PTPRN2: variants seen among roughly 807,000 people sequenced by gnomAD.
PTPRN2 encodes the protein protein tyrosine phosphatase receptor type N2.
PTPRN2 carries 74 observed loss-of-function variants against 118.8 expected under a neutral mutation model. The observed-to-expected ratio is 0.62, with a 90% CI of 0.52 to 0.76. The LOEUF (loss-of-function observed/expected upper bound fraction) is 0.76, where lower values mean the gene tolerates loss of function less well. Ranked by LOEUF, PTPRN2 falls within the 30% of genes least tolerant of loss-of-function variation. The pLI, the probability that PTPRN2 is intolerant of heterozygous loss-of-function variation, is 0.00. For synonymous variants in PTPRN2, 641 were observed against 608.0 expected (o/e 1.05, Z -0.80); for missense variants, 1,481 against 1,394.4 (o/e 1.06, Z -0.99).
At chr7:158,326,620 GCA>G (rs1396017058) in intron 2 of PTPRN2, among the ~76,000 whole-genome samples, 3 of 150,524 alleles carry the variant, frequency 2.0e-5, no homozygotes, top group African/African-American at 4.9e-5. Context: ...TCACACACAT[GCA>G]CATTCTCACA....
intron 12 of PTPRN2, among the ~76,000 whole-genome samples, chr7:157,898,350 G>T (rs751852542): frequency 9.2e-5 from 14 of 152,288 alleles, no homozygotes; most frequent in Non-Finnish European, 1.8e-4. Context: ...TCACACACTT[G>T]GCAACTACAA....
chr7:158,079,839 G>C (rs146042787), intron 11 of PTPRN2, among the ~76,000 whole-genome samples: 1 of 152,132 alleles, frequency 6.6e-6, no homozygotes, highest in Non-Finnish European at 1.5e-5. Context: ...TGCTGGGACC[G>C]CACTGGACCG....
At chr7:158,474,100 C>T (rs115450107) in intron 2 of PTPRN2, among the ~76,000 whole-genome samples, 409 of 152,286 alleles carry the variant, frequency 2.7e-3, no homozygotes, top group African/African-American at 9.2e-3. Context: ...TGGCGCTGGG[C>T]GGGTGCAGCA....
chr7:158,187,565 A>T (rs1825278729), intron 5 of PTPRN2, among the ~76,000 whole-genome samples: 1 of 152,330 alleles, frequency 6.6e-6, no homozygotes, highest in Non-Finnish European at 1.5e-5. Context: ...CATTAGCAAG[A>T]TGACTAAGAG....
At chr7:157,885,514 C>T (rs1584950382) in intron 12 of PTPRN2, among the ~76,000 whole-genome samples, 1 of 152,206 alleles carries the variant, frequency 6.6e-6, no homozygotes, top group Admixed American at 6.5e-5. Flanking sequence ...GGAAACAAGC[C>T]AAGTTCCTCC....
intron 1 of PTPRN2, among the ~76,000 whole-genome samples, chr7:158,549,303 T>A (rs1195989233): frequency 6.6e-6 from 1 of 152,144 alleles, no homozygotes; most frequent in African/African-American, 2.4e-5. Flanking sequence ...GGGGACAGGG[T>A]CTCCACGGGG....
intron 3 of PTPRN2, among the ~76,000 whole-genome samples, chr7:158,307,710 GT>G (rs1801400187): frequency 6.6e-6 from 1 of 152,148 alleles, no homozygotes; most frequent in African/African-American, 2.4e-5. Flanking sequence ...TGTCACACAT[GT>G]TATGGACTAG....
At chr7:157,667,000 G>A (rs1796170135) in intron 13 of PTPRN2, among the ~76,000 whole-genome samples, 1 of 133,774 alleles carries the variant, frequency 7.5e-6, no homozygotes, top group African/African-American at 2.7e-5. Flanking sequence ...GATCTCTGGT[G>A]TGTGCAATGA....
intron 1 of PTPRN2, among the ~76,000 whole-genome samples, chr7:158,508,049 G>A (rs1822895355): frequency 7.5e-6 from 1 of 134,134 alleles, no homozygotes; most frequent in Admixed American, 7.3e-5. Flanking sequence ...CAGCGCTACA[G>A]TGTTACGAAG....
At chr7:158,371,210 T>G (rs1419562903) in intron 2 of PTPRN2, among the ~76,000 whole-genome samples, 1 of 152,080 alleles carries the variant, frequency 6.6e-6, no homozygotes, top group Non-Finnish European at 1.5e-5. Flanking sequence ...CTCCAATGGC[T>G]TAGATGGATT....
At chr7:158,171,266 C>A (rs1449947069) in intron 5 of PTPRN2, among the ~76,000 whole-genome samples, 1 of 88,476 alleles carries the variant, frequency 1.1e-5, no homozygotes. Flanking sequence ...TATATATACA[C>A]ACATATATAC....
intron 10 of PTPRN2, among the ~76,000 whole-genome samples, chr7:158,103,654 G>T (rs570062901): frequency 5.9e-5 from 9 of 152,280 alleles, no homozygotes; most frequent in African/African-American, 2.2e-4. Flanking sequence ...GTTTCAAACA[G>T]CTCAGGGGCA....
chr7:157,576,409 T>C (rs985005985), intron 19 of PTPRN2, among the ~76,000 whole-genome samples: 6 of 152,212 alleles, frequency 3.9e-5, no homozygotes, highest in African/African-American at 9.6e-5. Context: ...CACATTTTAA[T>C]ACCTCTGAAG....
intron 11 of PTPRN2, among the ~76,000 whole-genome samples, chr7:158,033,852 A>T (rs1029644251): frequency 7.0e-6 from 1 of 142,278 alleles, no homozygotes; most frequent in Non-Finnish European, 1.5e-5. Flanking sequence ...CCGGGTGAGC[A>T]TCCCTAGTCA....
chr7:157,719,403 C>A (rs1427775051), intron 12 of PTPRN2, among the ~76,000 whole-genome samples: 1 of 152,266 alleles, frequency 6.6e-6, no homozygotes, highest in Admixed American at 6.5e-5. Flanking sequence ...AGGCCAAGGC[C>A]ACAGCACTGC....
At position 157,603,125 on chromosome 7, in the gene PTPRN2, C is replaced by T. The variant is rs1394049295; in HGVS notation, c.2418+877G>A. ...TCCGCCAGGTCTCCAAAGCCCCGGC[C>T]CTGGACAGTGTCCCATCCCGCCCCC... is the stretch of plus-strand genomic sequence containing the variant. On this transcript the variant is annotated intron_variant, in intron 16 of 22. Transcript: ENST00000389418. The surrounding 1 kb of genome is among the most constrained non-coding windows in gnomAD (Gnocchi z 5.4). Among the ~76,000 whole-genome samples the T allele has an allele frequency of 6.6e-6, 1 of 152,146 alleles. No individual in the cohort carries two copies. The highest frequency in any genetic ancestry group is 2.4e-5 in the African/African-American group (1 of 41,434).
chr7:157,658,629 G>A (rs1275558363), intron 13 of PTPRN2, among the ~76,000 whole-genome samples: 1 of 152,206 alleles, frequency 6.6e-6, no homozygotes, highest in East Asian at 1.9e-4. Flanking sequence ...CTCACCTTCA[G>A]GGTGCAGCCT....
chr7:157,995,708 G>A (rs573725226), intron 11 of PTPRN2, among the ~76,000 whole-genome samples: 12 of 152,350 alleles, frequency 7.9e-5, no homozygotes, highest in Admixed American at 2.6e-4. Flanking sequence ...ATGAGCAGGC[G>A]GCGTAGCACC....
intron 11 of PTPRN2, among the ~76,000 whole-genome samples, chr7:158,017,075 A>C (rs559039753): frequency 4.1e-4 from 63 of 152,254 alleles, no homozygotes; most frequent in Non-Finnish European, 7.5e-4. Context: ...ATTTTCATTT[A>C]AATCAGATTA....
Sources: allele counts gnomAD v4.1 joint callset (sites outside exome capture counted in the v4.1 genomes callset), GRCh38; gene constraint gnomAD v4.1.1; non-coding constraint Gnocchi (gnomAD v3.1); transcripts MANE v1.5; gene names NCBI Gene and HGNC (gene_info 2026-07-23, HGNC 2026-07-21).